Variants in GABRB2 observed in about 807,000 individuals in gnomAD.
The protein encoded by GABRB2 is gamma-aminobutyric acid type A receptor subunit beta2.
A neutral mutation model predicts 54.7 loss-of-function variants in GABRB2; 16 were observed. The ratio of observed to expected loss-of-function variants is 0.29; its 90% CI spans 0.20 to 0.44. GABRB2 has a LOEUF of 0.44. Among genes scored for constraint, GABRB2 ranks in the 20% least tolerant of loss-of-function variants. GABRB2 has a pLI of 1.00. For synonymous variants in GABRB2, 244 were observed against 233.8 expected (o/e 1.04, Z -0.40); for missense variants, 355 against 644.0 (o/e 0.55, Z 4.86).
chr5:161,315,960 T>C (rs1021874279), intron 9 of GABRB2, among the ~76,000 whole-genome samples: 26 of 152,190 alleles, frequency 1.7e-4, no homozygotes, highest in Admixed American at 1.2e-3. Context: ...GGAAACTTGT[T>C]AAAGCGAATA....
intron 3 of GABRB2, among the ~76,000 whole-genome samples, chr5:161,523,676 G>C (rs1416710550): frequency 1.3e-5 from 2 of 151,560 alleles, no homozygotes; most frequent in Non-Finnish European, 3.0e-5. Context: ...TTTTGGAAAT[G>C]AATGTTGTCT....
intron 4 of GABRB2, among the ~76,000 whole-genome samples, chr5:161,456,496 C>G (rs941331851): frequency 2.6e-5 from 4 of 152,124 alleles, no homozygotes; most frequent in African/African-American, 7.2e-5. Flanking sequence ...TCAGGTGATT[C>G]CTAGTATTCT....
At chr5:161,510,079 G>A (rs1294170659) in intron 3 of GABRB2, among the ~76,000 whole-genome samples, 1 of 151,832 alleles carries the variant, frequency 6.6e-6, no homozygotes, top group East Asian at 1.9e-4. Flanking sequence ...ATCAAATCAT[G>A]GAGACTGGGG....
At chr5:161,546,784 C>A (rs141745865), upstream of GABRB2, 5 of 1,422,752 alleles carry the variant, frequency 3.5e-6, no homozygotes, top group South Asian at 1.6e-5. Flanking sequence ...TGCCGGGGAC[C>A]GAGCAGATTT....
chr5:161,405,687 A>G (rs746357864), intron 5 of GABRB2, among the ~76,000 whole-genome samples: 8 of 152,020 alleles, frequency 5.3e-5, no homozygotes, highest in Non-Finnish European at 1.0e-4. Context: ...AACACAATGC[A>G]CTTTTCATTT....
chr5:161,354,771 TG>T (rs1465292809), intron 5 of GABRB2, among the ~76,000 whole-genome samples: 8 of 152,108 alleles, frequency 5.3e-5, no homozygotes, highest in African/African-American at 1.9e-4. Context: ...ACTGTGTTCC[TG>T]CCCACCTCTT....
chr5:161,308,557 C>T (rs1028350338), intron 9 of GABRB2, among the ~76,000 whole-genome samples: 1 of 152,130 alleles, frequency 6.6e-6, no homozygotes, highest in Admixed American at 6.5e-5. Flanking sequence ...ATAGCCAAGG[C>T]AATCATAAGC....
chr5:161,536,313 G>A (rs1186078164), intron 3 of GABRB2, among the ~76,000 whole-genome samples: 2 of 152,110 alleles, frequency 1.3e-5, no homozygotes, highest in Admixed American at 6.5e-5. Context: ...AAAAGAGGAA[G>A]GAGAAAACAA....
chr5:161,536,530 TCAGG>T (rs554552107), intron 3 of GABRB2, among the ~76,000 whole-genome samples: 7 of 152,190 alleles, frequency 4.6e-5, no homozygotes, highest in Non-Finnish European at 1.0e-4. Flanking sequence ...ATGTAAGTCT[TCAGG>T]CAAGCCTTTA....
chr5:161,414,571 A>G (rs1756609831), intron 4 of GABRB2, among the ~76,000 whole-genome samples: 2 of 152,042 alleles, frequency 1.3e-5, no homozygotes. Flanking sequence ...ATTACTCCCT[A>G]CATATACATG....
At chr5:161,469,334 C>T (rs1758368843) in intron 3 of GABRB2, among the ~76,000 whole-genome samples, 1 of 151,772 alleles carries the variant, frequency 6.6e-6, no homozygotes, top group South Asian at 2.1e-4. Context: ...GAAGTCTCTA[C>T]CTTTAGGCTT....
At chr5:161,510,933 A>G (rs776411771) in intron 3 of GABRB2, among the ~76,000 whole-genome samples, 1 of 151,954 alleles carries the variant, frequency 6.6e-6, no homozygotes, top group Non-Finnish European at 1.5e-5. Context: ...AGAGGCTCAT[A>G]ATCACATTCT....
intron 3 of GABRB2, among the ~76,000 whole-genome samples, chr5:161,544,664 C>T (rs759479884): frequency 7.2e-5 from 11 of 152,096 alleles, no homozygotes; most frequent in Non-Finnish European, 1.2e-4. Context: ...CTTTTAGAAA[C>T]AGGATGGCCA....
At chr5:161,376,236 C>T (rs1178008249) in intron 5 of GABRB2, among the ~76,000 whole-genome samples, 1 of 152,126 alleles carries the variant, frequency 6.6e-6, no homozygotes, top group African/African-American at 2.4e-5. Flanking sequence ...GGGAACTCCT[C>T]TCTTAAAGAC....
chr5:161,542,971 A>T (rs2113481510), intron 3 of GABRB2, among the ~76,000 whole-genome samples: 1 of 152,338 alleles, frequency 6.6e-6, no homozygotes, highest in South Asian at 2.1e-4. Flanking sequence ...CATCACAAAA[A>T]AATTTCTTTG....
chr5:161,546,533 G>A, intron 1 of GABRB2, 34 bp downstream of exon 1: 1 of 1,582,762 alleles, frequency 6.3e-7, no homozygotes, highest in Non-Finnish European at 8.6e-7. Flanking sequence ...CCTTCAAAGT[G>A]AGAACGGAAA....
intron 3 of GABRB2, among the ~76,000 whole-genome samples, chr5:161,499,321 G>C (rs1436352065): frequency 6.6e-6 from 1 of 152,138 alleles, no homozygotes; most frequent in Non-Finnish European, 1.5e-5. Context: ...ATAATAAGTA[G>C]CAAACATGGG....
chr5:161,323,735 G>A, intron 9 of GABRB2, among the ~76,000 whole-genome samples: 1 of 152,254 alleles, frequency 6.6e-6, no homozygotes, highest in East Asian at 1.9e-4. Flanking sequence ...AGTTAAACAT[G>A]TTTTCTGTTT....
At chr5:161,305,602 A>G (rs549562605) in intron 9 of GABRB2, among the ~76,000 whole-genome samples, 2 of 152,224 alleles carry the variant, frequency 1.3e-5, no homozygotes, top group Non-Finnish European at 2.9e-5. Flanking sequence ...ACCTGGAGAG[A>G]GATAACTGAT....
Sources: allele counts gnomAD v4.1 joint callset (sites outside exome capture counted in the v4.1 genomes callset), GRCh38; gene constraint gnomAD v4.1.1; transcripts MANE v1.5; gene names NCBI Gene and HGNC (gene_info 2026-07-23, HGNC 2026-07-21).